The following CLUAP1 variants were observed in gnomAD, a reference collection of about 807,000 sequenced individuals.
CLUAP1 encodes the protein clusterin-associated protein 1.
A neutral mutation model predicts 55.0 loss-of-function variants in CLUAP1; 50 were observed. That is an observed-to-expected ratio of 0.91 (90% CI 0.72 to 1.15). CLUAP1 has a LOEUF of 1.15. Ranked by LOEUF, CLUAP1 falls within the 50% of genes most tolerant of loss-of-function variation. The probability of loss-of-function intolerance (pLI) is 0.00; values close to 1 mark genes in which losing one functional copy is unlikely to be tolerated. For synonymous variants in CLUAP1, 195 were observed against 175.4 expected, an observed-to-expected ratio of 1.11 and a Z score of -0.88; for missense variants, 530 against 507.6, an observed-to-expected ratio of 1.04 and a Z score of -0.42.
intron 9 of CLUAP1, 73 bp downstream of exon 9, chr16:3,526,557 A>C: frequency 1.3e-6 from 1 of 772,278 alleles, no homozygotes; most frequent in Non-Finnish European, 1.8e-6. Context: ...ATATAGAGAG[A>C]TATATATATA....
In CLUAP1 at chr16:3,529,711, TATA is replaced by T. The variant is rs1284700809; in HGVS notation, c.929-853_929-851del. On this transcript the variant is annotated intron_variant, in intron 9 of 11. Transcript: ENST00000576634. ...ATTATATATTATATATTATATATTATATAATATTATATATTATATATATTATTA... is the reference window on the plus strand; with the variant it reads ...ATTATATATTATATATTATATATTATATATTATATATTATATATATTATTA... Among the ~76,000 whole-genome samples, 77 of 32,778 alleles carry T rather than the reference TATA, an allele frequency of 2.3e-3. 10 individuals are homozygous for T. The highest frequency in any genetic ancestry group is 0.011 in the African/African-American group (67 of 6,276). The allele number at this position is 32,778 out of a possible 152,430, so 21.5% of individuals were successfully genotyped here.
intron 5 of CLUAP1, among the ~76,000 whole-genome samples, chr16:3,513,158 G>C (rs1479265329): frequency 6.6e-6 from 1 of 152,322 alleles, no homozygotes. Flanking sequence ...TTGCTGCCCA[G>C]TGCAAACACC....
chr16:3,496,090 C>G (rs1008226068), upstream of CLUAP1: 8 of 352,506 alleles, frequency 2.3e-5, no homozygotes, highest in Non-Finnish European at 4.4e-5. Flanking sequence ...GCAGTGAGCC[C>G]AGATCGCGCC....
At position 3,506,370 on chromosome 16, in the gene CLUAP1, T is replaced by C. The variant is rs746629837; in HGVS notation, c.174T>C (p.Thr58=). Residue 58 remains threonine, a synonymous_variant, in exon 3 of 12, where the codon ACT becomes ACC. Transcript: ENST00000576634. ...PQTDIPPDVD[T]EQDRVFFIKA... ...CTGACATCCCGCCTGACGTGGATAC[T>C]GAACAGGACCGAGTTTTCTTCATTA... The C allele has an allele frequency of 1.2e-6, 2 of 1,614,172 alleles. No individual in the cohort carries two copies. Among genetic ancestry groups the C allele is most frequent in the Non-Finnish European group, 1.7e-6 (2 of 1,180,004 alleles).
chr16:3,498,902 A>AAC (rs57825157), upstream of CLUAP1, among the ~76,000 whole-genome samples: 3,039 of 152,186 alleles, frequency 0.02, 106 homozygotes, highest in African/African-American at 0.066. Flanking sequence ...ACAACAAAAA[A>AAC]AAGTGAAAAG....
intron 9 of CLUAP1, 113 bp downstream of exon 9, chr16:3,526,597 C>T: frequency 2.0e-6 from 1 of 504,116 alleles, no homozygotes. Context: ...TTCTTTTTTT[C>T]AGCAGTTTTT....
At chr16:3,517,402 G>A (rs2037749456) in intron 6 of CLUAP1, among the ~76,000 whole-genome samples, 1 of 152,072 alleles carries the variant, frequency 6.6e-6, no homozygotes, top group Non-Finnish European at 1.5e-5. Flanking sequence ...TGCCTCCTGG[G>A]TTCGAGCAAT....
chr16:3,526,971 C>T (rs2037956780), intron 9 of CLUAP1, among the ~76,000 whole-genome samples: 1 of 152,028 alleles, frequency 6.6e-6, no homozygotes, highest in African/African-American at 2.4e-5. Flanking sequence ...GTGATGGTCC[C>T]CATGCTGCTG....
chr16:3,533,114 G>A (rs902257027), intron 11 of CLUAP1: 2 of 1,536,032 alleles, frequency 1.3e-6, no homozygotes, highest in Non-Finnish European at 1.7e-6. Context: ...AGCAGCACCA[G>A]CTCTCTTAGG....
chr16:3,530,275 T>C (rs901955923), intron 9 of CLUAP1, among the ~76,000 whole-genome samples: 1 of 152,132 alleles, frequency 6.6e-6, no homozygotes, highest in East Asian at 1.9e-4. Context: ...CGGAGACACA[T>C]TGAAATCATA....
At chr16:3,510,327 G>A (rs1167830607) in intron 4 of CLUAP1, among the ~76,000 whole-genome samples, 3 of 151,434 alleles carry the variant, frequency 2.0e-5, no homozygotes. Flanking sequence ...GCAGAGATGG[G>A]GTTTCACCAT....
intron 4 of CLUAP1, among the ~76,000 whole-genome samples, chr16:3,511,561 C>T (rs1276167812): frequency 6.6e-6 from 1 of 152,192 alleles, no homozygotes; most frequent in Admixed American, 6.5e-5. Flanking sequence ...CGTCAGGCTG[C>T]TGCAAGAGGA....
At chr16:3,513,866 T>C (rs1377142287) in intron 5 of CLUAP1, among the ~76,000 whole-genome samples, 1 of 152,204 alleles carries the variant, frequency 6.6e-6, no homozygotes, top group Non-Finnish European at 1.5e-5. Context: ...CTAGCAAGAG[T>C]GCCAGCCATG....
intron 8 of CLUAP1, among the ~76,000 whole-genome samples, chr16:3,524,593 T>A (rs2037903911): frequency 7.1e-5 from 6 of 84,546 alleles, no homozygotes; most frequent in East Asian, 3.8e-4. Context: ...CAAGACACCA[T>A]CTCAAAAAAA....
intron 11 of CLUAP1, chr16:3,533,554 A>C (rs1184098347): frequency 4.8e-6 from 1 of 206,346 alleles, no homozygotes; most frequent in African/African-American, 2.3e-5. Flanking sequence ...TACTGAGTGG[A>C]TAACTCCCTG....
At chr16:3,510,188 T>A (rs1026104503) in intron 4 of CLUAP1, among the ~76,000 whole-genome samples, 1 of 152,200 alleles carries the variant, frequency 6.6e-6, no homozygotes, top group African/African-American at 2.4e-5. Flanking sequence ...GAGTCAGGGT[T>A]TCTCCATGTT....
upstream of CLUAP1, among the ~76,000 whole-genome samples, chr16:3,499,217 C>T (rs1348841876): frequency 1.3e-5 from 2 of 152,252 alleles, no homozygotes; most frequent in Non-Finnish European, 2.9e-5. Context: ...CGGTGGCGCG[C>T]GTCTGTAATC....
At chr16:3,518,388 T>A (rs1020371532) in intron 6 of CLUAP1, among the ~76,000 whole-genome samples, 1 of 152,176 alleles carries the variant, frequency 6.6e-6, no homozygotes, top group Non-Finnish European at 1.5e-5. Flanking sequence ...TTAGAAAATA[T>A]CTGTGATGTT....
intron 10 of CLUAP1, among the ~76,000 whole-genome samples, chr16:3,532,068 A>C (rs1018744337): frequency 1.3e-5 from 2 of 151,532 alleles, no homozygotes; most frequent in African/African-American, 4.9e-5. Context: ...CGAACTCCCA[A>C]CCTCAGGTGA....
Sources: gnomAD v4.1 joint callset for allele counts (sites outside exome capture counted in the v4.1 genomes callset) on GRCh38, gnomAD v4.1.1 for gene constraint, MANE v1.5 for transcripts, NCBI Gene and HGNC (gene_info 2026-07-23, HGNC 2026-07-21) for gene names.